Variants in DYNC1I1 observed in about 807,000 individuals in gnomAD.
DYNC1I1 encodes the protein dynein cytoplasmic 1 intermediate chain 1.
Under a neutral mutation model 86.6 loss-of-function variants are expected in DYNC1I1, and 43 were observed. The ratio of observed to expected loss-of-function variants is 0.50; its 90% confidence interval spans 0.39 to 0.64. The LOEUF (loss-of-function observed/expected upper bound fraction) is 0.64. Among genes scored for constraint, DYNC1I1 ranks in the 30% least tolerant of loss-of-function variants. DYNC1I1 has a pLI of 0.00. For missense variants in DYNC1I1, 604 were observed against 788.8 expected (o/e 0.77, Z 2.81); for synonymous variants, 262 against 283.7 (o/e 0.92, Z 0.77).
intron 5 of DYNC1I1, among the ~76,000 whole-genome samples, chr7:95,846,931 A>G (rs1392593477): frequency 1.3e-5 from 2 of 152,112 alleles, no homozygotes; most frequent in African/African-American, 2.4e-5. Context: ...CTATGACTCC[A>G]TTGGGTGGCT....
chr7:95,927,708 A>G (rs529150807), intron 6 of DYNC1I1, among the ~76,000 whole-genome samples: 2 of 152,224 alleles, frequency 1.3e-5, no homozygotes, highest in South Asian at 4.2e-4. Flanking sequence ...TCTTCATACT[A>G]TTTTTATTTT....
At chr7:96,057,843 T>C (rs1007575978) in intron 14 of DYNC1I1, among the ~76,000 whole-genome samples, 1 of 152,196 alleles carries the variant, frequency 6.6e-6, no homozygotes, top group African/African-American at 2.4e-5. Context: ...CAGTCATATT[T>C]CTGGCAACAA....
intron 5 of DYNC1I1, among the ~76,000 whole-genome samples, chr7:95,850,061 C>A (rs1789536472): frequency 1.3e-5 from 2 of 151,454 alleles, no homozygotes; most frequent in Admixed American, 6.6e-5. Flanking sequence ...GACTTTTCAT[C>A]CTACAAGTTA....
intron 6 of DYNC1I1, among the ~76,000 whole-genome samples, chr7:95,968,902 A>G (rs543016702): frequency 6.6e-6 from 1 of 151,754 alleles, no homozygotes; most frequent in Admixed American, 6.6e-5. Flanking sequence ...GGACAGCTAC[A>G]CATATAGGGC....
At chr7:95,890,507 G>A (rs1267520301) in intron 6 of DYNC1I1, among the ~76,000 whole-genome samples, 1 of 152,022 alleles carries the variant, frequency 6.6e-6, no homozygotes, top group Non-Finnish European at 1.5e-5. Context: ...ACCTGAGTGA[G>A]AAAGTAATCT....
chr7:95,947,611 G>C (rs1332954335), intron 6 of DYNC1I1, among the ~76,000 whole-genome samples: 5 of 152,058 alleles, frequency 3.3e-5, no homozygotes, highest in African/African-American at 1.2e-4. Context: ...TCCACCCATG[G>C]GAAATGCATG....
intron 6 of DYNC1I1, among the ~76,000 whole-genome samples, chr7:95,940,759 T>G (rs915819727): frequency 1.3e-4 from 20 of 152,248 alleles, no homozygotes; most frequent in Non-Finnish European, 2.6e-4. Flanking sequence ...CTCCTGTAGC[T>G]CAGAGTAGTT....
At chr7:95,786,527 A>G (rs1158272223) in intron 1 of DYNC1I1, among the ~76,000 whole-genome samples, 2 of 152,218 alleles carry the variant, frequency 1.3e-5, no homozygotes, top group African/African-American at 4.8e-5. Flanking sequence ...TAAGTCCCAC[A>G]GTACCCAGAA....
chr7:95,914,232 T>C (rs1372270075), intron 6 of DYNC1I1, among the ~76,000 whole-genome samples: 1 of 152,218 alleles, frequency 6.6e-6, no homozygotes, highest in African/African-American at 2.4e-5. Context: ...TTTAAGCCAC[T>C]TCCAGTAGCT....
At chr7:95,870,128 CAAAGCCTCTT>C (rs1790124782) in intron 6 of DYNC1I1, 130 bp downstream of exon 6, 2 of 753,854 alleles carry the variant, frequency 2.7e-6, no homozygotes, top group Non-Finnish European at 4.0e-6. Flanking sequence ...CACTGAAAGC[CAAAGCCTCTT>C]CTGAGTTTGA....
chr7:95,899,911 C>G (rs1790991970), intron 6 of DYNC1I1, among the ~76,000 whole-genome samples: 1 of 152,144 alleles, frequency 6.6e-6, no homozygotes, highest in Non-Finnish European at 1.5e-5. Context: ...CCTTCTTATT[C>G]CCCAAAGCCT....
At chr7:96,075,463 C>A (rs1164335134) in intron 14 of DYNC1I1, among the ~76,000 whole-genome samples, 1 of 152,138 alleles carries the variant, frequency 6.6e-6, no homozygotes, top group Admixed American at 6.5e-5. Context: ...CGTAGGATCG[C>A]GAAATGATTA....
At chr7:95,896,991 G>A (rs1259159636) in intron 6 of DYNC1I1, among the ~76,000 whole-genome samples, 1 of 152,156 alleles carries the variant, frequency 6.6e-6, no homozygotes, top group Non-Finnish European at 1.5e-5. Context: ...CTTATAACTT[G>A]TAAGACCAAC....
chr7:96,048,878 G>A (rs1228814609), intron 14 of DYNC1I1, among the ~76,000 whole-genome samples: 1 of 152,194 alleles, frequency 6.6e-6, no homozygotes, highest in Non-Finnish European at 1.5e-5. Flanking sequence ...AGTTACGCTT[G>A]AAACTTGACA....
At chr7:95,818,473 A>ATTTTTTTT in intron 4 of DYNC1I1, 4 of 574,294 alleles carry the variant, frequency 7.0e-6, no homozygotes, top group Admixed American at 2.6e-5. Context: ...AGCTGATTTA[A>ATTTTTTTT]TTTTTTTTTT....
At chr7:96,066,684 G>A (rs996230805) in intron 14 of DYNC1I1, among the ~76,000 whole-genome samples, 1 of 152,146 alleles carries the variant, frequency 6.6e-6, no homozygotes, top group Admixed American at 6.5e-5. Context: ...TAATAGCTAT[G>A]TATTCTACCT....
At chr7:96,105,310 TTTC>T (rs1016723438) in intron 16 of DYNC1I1, among the ~76,000 whole-genome samples, 8 of 152,044 alleles carry the variant, frequency 5.3e-5, no homozygotes, top group Non-Finnish European at 8.8e-5. Flanking sequence ...TTTCCTCCTG[TTTC>T]TTTTCTTTTT....
chr7:95,894,813 C>T (rs193267081), intron 6 of DYNC1I1, among the ~76,000 whole-genome samples: 62 of 152,210 alleles, frequency 4.1e-4, no homozygotes, highest in Non-Finnish European at 4.9e-4. Context: ...AAAAAGTTGT[C>T]GAGATGCTTG....
chr7:96,082,089 G>T (rs889895012), intron 16 of DYNC1I1, among the ~76,000 whole-genome samples: 5 of 152,044 alleles, frequency 3.3e-5, no homozygotes, highest in African/African-American at 1.2e-4. Context: ...GGAGTCTTTG[G>T]GAAAGAGAAT....
Sources: gnomAD v4.1 joint callset for allele counts (sites outside exome capture counted in the v4.1 genomes callset) on GRCh38, gnomAD v4.1.1 for gene constraint, MANE v1.5 for transcripts, NCBI Gene and HGNC (gene_info 2026-07-23, HGNC 2026-07-21) for gene names.